The following PDE4D variants were observed in gnomAD, a reference collection of about 807,000 sequenced individuals.
PDE4D encodes the protein 3',5'-cyclic-AMP phosphodiesterase 4D.
In PDE4D, 24 loss-of-function variants were observed where a neutral mutation model predicts 87.4. The ratio of observed to expected loss-of-function variants is 0.27; its 90% CI spans 0.20 to 0.39. The LOEUF (loss-of-function observed/expected upper bound fraction) is 0.39. Ranked by LOEUF, PDE4D falls within the 10% of genes least tolerant of loss-of-function variation. The pLI, the probability that PDE4D is intolerant of heterozygous loss-of-function variation, is 1.00. For synonymous variants in PDE4D, 384 were observed against 383.2 expected, an observed-to-expected ratio of 1.00 and a Z score of -0.02; for missense variants, 714 against 1,041.0, an observed-to-expected ratio of 0.69 and a Z score of 4.32.
At chr5:60,267,747 G>T (rs968076390) in intron 1 of PDE4D, among the ~76,000 whole-genome samples, 13 of 152,140 alleles carry the variant, frequency 8.5e-5, no homozygotes, top group African/African-American at 2.9e-4. Flanking sequence ...AGACTGTAGA[G>T]GGCTTAACAA....
chr5:59,397,533 G>A (rs1582379486), intron 1 of PDE4D, among the ~76,000 whole-genome samples: 2 of 114,048 alleles, frequency 1.8e-5, no homozygotes, highest in East Asian at 5.5e-4. Flanking sequence ...TGAAACCAAC[G>A]AGAACAAAGA....
intron 1 of PDE4D, among the ~76,000 whole-genome samples, chr5:59,284,306 A>G (rs1253421034): frequency 6.6e-6 from 1 of 152,136 alleles, no homozygotes; most frequent in African/African-American, 2.4e-5. Flanking sequence ...AGGAACTCCT[A>G]CTGGAAAGGA....
At chr5:59,097,693 T>C (rs977214464) in intron 5 of PDE4D, among the ~76,000 whole-genome samples, 6 of 152,232 alleles carry the variant, frequency 3.9e-5, no homozygotes, top group African/African-American at 1.4e-4. Context: ...TTTTAGCCTT[T>C]GCCTGTTTGT....
At chr5:60,008,633 C>T (rs147339728) in intron 2 of PDE4D, among the ~76,000 whole-genome samples, 33 of 152,090 alleles carry the variant, frequency 2.2e-4, no homozygotes, top group African/African-American at 7.9e-4. Context: ...AAATTTACAG[C>T]CAAATCATTA....
intron 1 of PDE4D, among the ~76,000 whole-genome samples, chr5:60,354,781 T>C (rs1283920021): frequency 6.6e-6 from 1 of 152,142 alleles, no homozygotes; most frequent in Non-Finnish European, 1.5e-5. Context: ...TTTTTTAATG[T>C]CATTGAAAAA....
intron 1 of PDE4D, among the ~76,000 whole-genome samples, chr5:59,580,432 A>T (rs1415679333): frequency 1.3e-5 from 2 of 152,114 alleles, no homozygotes; most frequent in Non-Finnish European, 2.9e-5. Flanking sequence ...GTTATACAAG[A>T]GATTTTGGCA....
chr5:59,039,347 G>T (rs2153394029), intron 5 of PDE4D: 3 of 1,036,874 alleles, frequency 2.9e-6, no homozygotes, highest in Non-Finnish European at 3.5e-6. Flanking sequence ...GCGAGGGGGT[G>T]GCGAGCGCGC....
At chr5:59,596,219 T>C (rs1311349492) in intron 1 of PDE4D, among the ~76,000 whole-genome samples, 1 of 150,894 alleles carries the variant, frequency 6.6e-6, no homozygotes, top group Non-Finnish European at 1.5e-5. Context: ...CAAATACATA[T>C]ATTTGTATAT....
intron 1 of PDE4D, among the ~76,000 whole-genome samples, chr5:59,473,882 G>C (rs888792837): frequency 6.6e-6 from 1 of 152,020 alleles, no homozygotes; most frequent in Non-Finnish European, 1.5e-5. Flanking sequence ...AGTCCAAGTG[G>C]GACAACAGAA....
intron 1 of PDE4D, among the ~76,000 whole-genome samples, chr5:59,230,952 T>G (rs1450488538): frequency 6.6e-6 from 1 of 152,186 alleles, no homozygotes; most frequent in African/African-American, 2.4e-5. Context: ...AAACAATCAC[T>G]TGCCTCTTCA....
At chr5:60,394,221 A>G (rs932243372) in intron 1 of PDE4D, among the ~76,000 whole-genome samples, 1 of 152,218 alleles carries the variant, frequency 6.6e-6, no homozygotes, top group African/African-American at 2.4e-5. Flanking sequence ...AACACATACA[A>G]AGAATTTTTT....
intron 1 of PDE4D, among the ~76,000 whole-genome samples, chr5:59,355,820 A>C (rs932536397): frequency 6.6e-6 from 1 of 152,158 alleles, no homozygotes; most frequent in African/African-American, 2.4e-5. Flanking sequence ...AATCCTTATA[A>C]ATTATTTTAA....
chr5:59,219,708 G>A (rs1001031484), intron 1 of PDE4D, among the ~76,000 whole-genome samples: 4 of 152,134 alleles, frequency 2.6e-5, no homozygotes, highest in Admixed American at 6.6e-5. Flanking sequence ...AAAACAGGTG[G>A]CATCTGTATT....
chr5:60,314,463 G>A lies in PDE4D; in HGVS notation c.-89-128776C>T, dbSNP rs181690293. ...ATTACAGGAGTGAGCCACTGCACCC[G>A]GCGGACAGTATGATTTTATTTTATT... On this transcript the variant is annotated intron_variant, in intron 1 of 16. Coordinates refer to the PDE4D transcript ENST00000502484. Among the ~76,000 whole-genome samples the A allele has an allele frequency of 3.6e-3, 551 of 152,024 alleles. 6 individuals carry two copies. The highest frequency in any genetic ancestry group is 8.8e-3 in the African/African-American group (365 of 41,478).
intron 2 of PDE4D, among the ~76,000 whole-genome samples, chr5:60,106,689 T>A (rs1274667192): frequency 6.6e-6 from 1 of 152,090 alleles, no homozygotes; most frequent in African/African-American, 2.4e-5. Flanking sequence ...AAACTGGAAC[T>A]CAGGATTAAG....
chr5:59,266,675 C>A (rs1762914509), intron 1 of PDE4D, among the ~76,000 whole-genome samples: 1 of 151,796 alleles, frequency 6.6e-6, no homozygotes, highest in Non-Finnish European at 1.5e-5. Context: ...GGGGGAAAGG[C>A]AGACAAATAC....
intron 6 of PDE4D, among the ~76,000 whole-genome samples, chr5:59,003,484 C>T (rs1013620139): frequency 6.6e-5 from 10 of 152,298 alleles, no homozygotes; most frequent in Middle Eastern, 6.8e-3. Flanking sequence ...CATCTTAGGA[C>T]CAAATATTCC....
chr5:59,170,557 A>G (rs1782598419), intron 5 of PDE4D, among the ~76,000 whole-genome samples: 1 of 152,196 alleles, frequency 6.6e-6, no homozygotes, highest in African/African-American at 2.4e-5. Flanking sequence ...ACTAGATTCA[A>G]TGTAAAATGG....
At chr5:59,336,966 A>T (rs1344967016) in intron 1 of PDE4D, among the ~76,000 whole-genome samples, 2 of 152,156 alleles carry the variant, frequency 1.3e-5, no homozygotes, top group Non-Finnish European at 2.9e-5. Flanking sequence ...AATAAAAAAC[A>T]TTAACTCATG....
Sources: allele counts gnomAD v4.1 joint callset (sites outside exome capture counted in the v4.1 genomes callset), GRCh38; gene constraint gnomAD v4.1.1; transcripts MANE v1.5; gene names NCBI Gene and HGNC (gene_info 2026-07-23, HGNC 2026-07-21).